The following GRIK2 variants were observed in gnomAD, a reference collection of about 807,000 sequenced individuals.
The protein encoded by GRIK2 is glutamate receptor ionotropic, kainate 2.
Under a neutral mutation model 100.3 loss-of-function variants are expected in GRIK2, and 32 were observed. The observed-to-expected ratio is 0.32, with a 90% CI of 0.24 to 0.43. The LOEUF (loss-of-function observed/expected upper bound fraction) is 0.43, where lower values mean the gene tolerates loss of function less well. Among genes scored for constraint, GRIK2 ranks in the 20% least tolerant of loss-of-function variants. GRIK2 has a pLI of 1.00. For missense variants in GRIK2, 843 were observed against 1,114.9 expected (o/e 0.76, Z 3.47); for synonymous variants, 417 against 389.4 (o/e 1.07, Z -0.83).
chr6:101,983,982 G>A (rs907573099), intron 14 of GRIK2, among the ~76,000 whole-genome samples: 3 of 151,548 alleles, frequency 2.0e-5, no homozygotes, highest in Non-Finnish European at 4.4e-5. Flanking sequence ...CATAAACATC[G>A]TTGACATTTA....
At chr6:101,614,760 AG>A (rs1424237328) in intron 2 of GRIK2, among the ~76,000 whole-genome samples, 1 of 151,770 alleles carries the variant, frequency 6.6e-6, no homozygotes, top group Non-Finnish European at 1.5e-5. Context: ...TGTGCCATTT[AG>A]AACATCAGTT....
chr6:101,553,347 G>C (rs190298777), intron 2 of GRIK2, among the ~76,000 whole-genome samples: 1 of 152,226 alleles, frequency 6.6e-6, no homozygotes, highest in African/African-American at 2.4e-5. Context: ...AAAGGGATAT[G>C]TTTGAGTTCC....
At chr6:101,578,839 A>G (rs1777910067) in intron 2 of GRIK2, among the ~76,000 whole-genome samples, 1 of 152,176 alleles carries the variant, frequency 6.6e-6, no homozygotes, top group South Asian at 2.1e-4. Context: ...TCTACTATAC[A>G]TCCAGCAACA....
chr6:101,428,835 C>T (rs911529907), intron 2 of GRIK2, among the ~76,000 whole-genome samples: 10 of 152,164 alleles, frequency 6.6e-5, no homozygotes, highest in Admixed American at 2.0e-4. Context: ...GGGGGTTAGA[C>T]TTCTGCTCAC....
At chr6:101,968,911 A>AC (rs1440246690) in intron 14 of GRIK2, among the ~76,000 whole-genome samples, 4 of 152,054 alleles carry the variant, frequency 2.6e-5, no homozygotes, top group Non-Finnish European at 4.4e-5. Context: ...AACACAATGA[A>AC]TACATTTGTC....
At chr6:101,755,596 C>T (rs9390777) in intron 7 of GRIK2, among the ~76,000 whole-genome samples, 1 of 152,078 alleles carries the variant, frequency 6.6e-6, no homozygotes. Context: ...AAAATGAGTT[C>T]CATCTTCCAG....
chr6:101,580,776 G>A (rs2128302742), intron 2 of GRIK2, among the ~76,000 whole-genome samples: 1 of 152,038 alleles, frequency 6.6e-6, no homozygotes, highest in East Asian at 1.9e-4. Context: ...TCCTGCCTCT[G>A]GGAGTTTACA....
chr6:101,479,875 GT>G (rs1245739378), intron 2 of GRIK2, among the ~76,000 whole-genome samples: 6 of 152,042 alleles, frequency 3.9e-5, no homozygotes, highest in Non-Finnish European at 8.8e-5. Context: ...TTAATTTCCT[GT>G]TTTAAGGTTT....
intron 7 of GRIK2, among the ~76,000 whole-genome samples, chr6:101,761,873 C>T (rs1441405174): frequency 7.6e-6 from 1 of 130,752 alleles, no homozygotes; most frequent in Non-Finnish European, 1.6e-5. Flanking sequence ...TTTCCCCTCC[C>T]TTCCTTTCCT....
chr6:101,563,287 T>C (rs1406803699), intron 2 of GRIK2, among the ~76,000 whole-genome samples: 1 of 152,192 alleles, frequency 6.6e-6, no homozygotes, highest in Non-Finnish European at 1.5e-5. Context: ...TTATTGAGAA[T>C]TGTAAAAGAT....
chr6:101,560,021 A>G (rs1374400620), intron 2 of GRIK2, among the ~76,000 whole-genome samples: 1 of 152,134 alleles, frequency 6.6e-6, no homozygotes, highest in Non-Finnish European at 1.5e-5. Flanking sequence ...TTCCAACTTG[A>G]TGAAGCTTCA....
intron 14 of GRIK2, among the ~76,000 whole-genome samples, chr6:101,929,647 A>G (rs1210184522): frequency 1.3e-5 from 2 of 152,102 alleles, no homozygotes; most frequent in Non-Finnish European, 2.9e-5. Context: ...AACATCACTG[A>G]ATTTGGTTTT....
At chr6:101,704,871 TTAAG>T (rs547159472) in intron 7 of GRIK2, among the ~76,000 whole-genome samples, 346 of 150,720 alleles carry the variant, frequency 2.3e-3, no homozygotes, top group Non-Finnish European at 2.8e-3. Flanking sequence ...TTTTAAACTA[TTAAG>T]TTTCTCTCAA....
chr6:101,992,151 C>A (rs1408902306), intron 14 of GRIK2, among the ~76,000 whole-genome samples: 2 of 151,368 alleles, frequency 1.3e-5, no homozygotes, highest in Admixed American at 6.6e-5. Context: ...TAAGAGAGAA[C>A]TATAAAGAAG....
intron 7 of GRIK2, among the ~76,000 whole-genome samples, chr6:101,787,245 T>A (rs974776967): frequency 6.6e-6 from 1 of 151,914 alleles, no homozygotes. Context: ...TTGTCAATTT[T>A]TTTTAAAGAC....
intron 14 of GRIK2, among the ~76,000 whole-genome samples, chr6:101,948,332 T>C (rs1791398727): frequency 6.6e-6 from 1 of 151,114 alleles, no homozygotes; most frequent in East Asian, 1.9e-4. Context: ...TTTTAAAGTC[T>C]CTTCCGTTTA....
chr6:101,611,864 C>G (rs896606618), intron 2 of GRIK2, among the ~76,000 whole-genome samples: 2 of 151,712 alleles, frequency 1.3e-5, no homozygotes. Context: ...CACTTTTTAA[C>G]CAGCATACAT....
At chr6:101,694,892 A>T (rs1454574107) in intron 7 of GRIK2, among the ~76,000 whole-genome samples, 1 of 151,352 alleles carries the variant, frequency 6.6e-6, no homozygotes, top group Non-Finnish European at 1.5e-5. Flanking sequence ...AATGCCATAT[A>T]AAAAAATACC....
rs551452266 is a variant in GRIK2, at chr6:101,972,708, G to A, written c.2085+44076G>A. Among the ~76,000 whole-genome samples the A allele has an allele frequency of 4.0e-5, 6 of 151,870 alleles. No individual in the cohort carries two copies. In the East Asian group the frequency reaches 1.2e-3, roughly 30 times the overall value. On this transcript the variant is annotated intron_variant, in intron 14 of 16. Coordinates refer to ENST00000369134, the MANE Select transcript of GRIK2 (RefSeq NM_021956.5). ...TATATTTAAATCTTTAATTAATCTTGGGTTGATTTTTATATATGGTGAAAG... is the reference window on the plus strand; with the variant it reads ...TATATTTAAATCTTTAATTAATCTTAGGTTGATTTTTATATATGGTGAAAG...
Sources: gnomAD v4.1 joint callset for allele counts (sites outside exome capture counted in the v4.1 genomes callset) on GRCh38, gnomAD v4.1.1 for gene constraint, MANE v1.5 for transcripts, NCBI Gene and HGNC (gene_info 2026-07-23, HGNC 2026-07-21) for gene names.